AK5: variants seen among roughly 807,000 people sequenced by gnomAD.
The protein encoded by AK5 is adenylate kinase 5, also known as adenylate kinase isoenzyme 5.
In AK5, 27 loss-of-function variants were observed where a neutral mutation model predicts 69.5. The observed-to-expected ratio is 0.39, with a 90% confidence interval of 0.29 to 0.54. The LOEUF is 0.54. Ranked by LOEUF, AK5 falls within the 20% of genes least tolerant of loss-of-function variation. AK5 has a pLI of 0.71. For missense variants in AK5, 531 were observed against 700.4 expected, an observed-to-expected ratio of 0.76 and a Z score of 2.73; for synonymous variants, 260 against 244.4, an observed-to-expected ratio of 1.06 and a Z score of -0.60.
rs1231633343 is a variant in AK5 at position 77,462,095 on chromosome 1, T to C, written c.1060-21222T>C. ...AAAACATTTCTGACTTTATGCTTTC[T>C]AAAAAGATTTCCTATTTTTTCACAA... On this transcript the variant is annotated intron_variant, in intron 8 of 13. Coordinates refer to ENST00000354567, the MANE Select transcript of AK5 (RefSeq NM_174858.3). Among the ~76,000 whole-genome samples the C allele has an allele frequency of 4.6e-5, 7 of 152,360 alleles. No individual in the cohort carries two copies. The South Asian group carries it at 6.2e-4, about 14-fold the overall frequency.
chr1:77,519,269 C>T (rs1298970160), intron 11 of AK5, among the ~76,000 whole-genome samples: 1 of 152,120 alleles, frequency 6.6e-6, no homozygotes, highest in African/African-American at 2.4e-5. Flanking sequence ...ATGATAGGCT[C>T]TGTAATGAGG....
rs1187222650 is a variant in AK5 at position 77,340,466 on chromosome 1, A to T, written c.789A>T (p.Arg263=). The T allele has an allele frequency of 6.2e-7, 1 of 1,614,158 alleles. No individual in the cohort carries two copies. ...TGAAGCGTGCAGAACAGCAGGGCCG[A>T]CCAGACGACAATGTAAAAGCTACCC... ...RLLKRAEQQG[R]PDDNVKATQR... is the part of the protein sequence containing the mutation. Residue 263 remains arginine, a synonymous_variant, in exon 6 of 14, where the codon CGA becomes CGT. Transcript: ENST00000354567.
intron 6 of AK5, among the ~76,000 whole-genome samples, chr1:77,367,889 ATG>A (rs1172639255): frequency 2.4e-4 from 4 of 16,676 alleles, no homozygotes; most frequent in Non-Finnish European, 4.4e-4. Context: ...TATAAAATAT[ATG>A]TGATATATAT....
At chr1:77,493,332 C>CG (rs555503166) in intron 10 of AK5, among the ~76,000 whole-genome samples, 1 of 151,660 alleles carries the variant, frequency 6.6e-6, no homozygotes, top group African/African-American at 2.4e-5. Flanking sequence ...CCAGCAGCCC[C>CG]CCCCAGGTTC....
intron 2 of AK5, among the ~76,000 whole-genome samples, chr1:77,287,384 A>G (rs1450048709): frequency 6.6e-6 from 1 of 152,232 alleles, no homozygotes; most frequent in East Asian, 1.9e-4. Context: ...TTGCAAAATA[A>G]ATTACATTAG....
intron 7 of AK5, among the ~76,000 whole-genome samples, chr1:77,414,283 G>A (rs2100576009): frequency 6.6e-6 from 1 of 152,268 alleles, no homozygotes; most frequent in African/African-American, 2.4e-5. Flanking sequence ...ACGCTGTAAG[G>A]GACAGGACAA....
chr1:77,410,239 C>G (rs1649947921), intron 6 of AK5, among the ~76,000 whole-genome samples: 1 of 151,432 alleles, frequency 6.6e-6, no homozygotes, highest in Admixed American at 6.6e-5. Context: ...AATATTGTAT[C>G]TAGTATAGTA....
chr1:77,371,562 A>G (rs1647122762), intron 6 of AK5: 1 of 152,174 alleles, frequency 6.6e-6, no homozygotes, highest in African/African-American at 2.4e-5. Flanking sequence ...ACTTGAGAGT[A>G]TAGTGCAAAG....
chr1:77,430,625 C>T (rs999850925), intron 8 of AK5, among the ~76,000 whole-genome samples: 4 of 152,042 alleles, frequency 2.6e-5, no homozygotes, highest in Admixed American at 6.5e-5. Flanking sequence ...AGAAGAGGCT[C>T]TATAGCTGAA....
At chr1:77,465,739 G>T (rs1166790372) in intron 8 of AK5, among the ~76,000 whole-genome samples, 4 of 152,262 alleles carry the variant, frequency 2.6e-5, no homozygotes, top group Admixed American at 1.3e-4. Flanking sequence ...AACTTTCTTT[G>T]TAACTTTAAA....
chr1:77,373,570 A>G (rs1456775100), intron 6 of AK5, among the ~76,000 whole-genome samples: 1 of 152,108 alleles, frequency 6.6e-6, no homozygotes, highest in Non-Finnish European at 1.5e-5. Context: ...TGCTAAAAAT[A>G]CAAAAATTAG....
chr1:77,446,021 A>T (rs1490282727), intron 8 of AK5, among the ~76,000 whole-genome samples: 2 of 152,092 alleles, frequency 1.3e-5, no homozygotes, highest in African/African-American at 4.8e-5. Flanking sequence ...CAATGTCAAG[A>T]TCTTTTCTCC....
At chr1:77,538,212 G>T (rs1659073069) in intron 13 of AK5, among the ~76,000 whole-genome samples, 2 of 151,904 alleles carry the variant, frequency 1.3e-5, no homozygotes, top group Non-Finnish European at 2.9e-5. Context: ...GGTGGTATAT[G>T]CCTGCAGTCC....
intron 6 of AK5, among the ~76,000 whole-genome samples, chr1:77,357,118 T>G (rs1662572962): frequency 6.6e-6 from 1 of 152,236 alleles, no homozygotes; most frequent in Non-Finnish European, 1.5e-5. Flanking sequence ...ATTTCATATT[T>G]TGTTCATGCC....
chr1:77,448,996 T>C (rs1456127486), intron 8 of AK5, among the ~76,000 whole-genome samples: 1 of 152,196 alleles, frequency 6.6e-6, no homozygotes, highest in African/African-American at 2.4e-5. Flanking sequence ...CAGGGAGAAG[T>C]TTGCTGCAGG....
chr1:77,357,098 A>G (rs17100429), intron 6 of AK5, among the ~76,000 whole-genome samples: 20,855 of 152,188 alleles, frequency 0.14, 1,661 homozygotes, highest in East Asian at 0.37. Context: ...GACATTGGGT[A>G]GGACTGCCAA....
At chr1:77,417,432 T>G (rs530908610) in intron 7 of AK5, among the ~76,000 whole-genome samples, 48 of 152,336 alleles carry the variant, frequency 3.2e-4, no homozygotes, top group Middle Eastern at 3.4e-3. Context: ...CACAGTATTT[T>G]CTTCTTCTTA....
intron 5 of AK5, among the ~76,000 whole-genome samples, chr1:77,299,955 A>C (rs943700048): frequency 2.0e-5 from 3 of 152,230 alleles, no homozygotes; most frequent in South Asian, 2.1e-4. Flanking sequence ...CATTAACAAA[A>C]TATCTCATTT....
At chr1:77,291,485 C>T (rs988153607) in intron 2 of AK5, among the ~76,000 whole-genome samples, 1 of 152,044 alleles carries the variant, frequency 6.6e-6, no homozygotes, top group East Asian at 1.9e-4. Context: ...TGTTTCCTTT[C>T]TCTTACCAAC....
Sources: gnomAD v4.1 joint callset for allele counts (sites outside exome capture counted in the v4.1 genomes callset) on GRCh38, gnomAD v4.1.1 for gene constraint, MANE v1.5 for transcripts, NCBI Gene and HGNC (gene_info 2026-07-23, HGNC 2026-07-21) for gene names.